The following MTHFD1L variants were observed in gnomAD, a reference collection of about 807,000 sequenced individuals.
The protein encoded by MTHFD1L is methylenetetrahydrofolate dehydrogenase (NADP+ dependent) 1 like.
A neutral mutation model predicts 119.5 loss-of-function variants in MTHFD1L; 81 were observed. That is an observed-to-expected ratio of 0.68 (90% CI 0.57 to 0.82). The LOEUF (loss-of-function observed/expected upper bound fraction) is 0.82. MTHFD1L is among the 40% of genes least tolerant of loss of function. MTHFD1L has a pLI of 0.00. For missense variants in MTHFD1L, 1,125 were observed against 1,253.4 expected (o/e 0.90, Z 1.55); for synonymous variants, 430 against 475.2 (o/e 0.90, Z 1.24).
chr6:151,016,802 T>C (rs1370670073), intron 24 of MTHFD1L: 1 of 200,224 alleles, frequency 5.0e-6, no homozygotes, highest in South Asian at 5.5e-5. Flanking sequence ...AGACAGAGCC[T>C]TGCTCTGTTG....
intron 20 of MTHFD1L, among the ~76,000 whole-genome samples, chr6:150,982,554 A>G (rs1458814082): frequency 6.6e-6 from 1 of 152,216 alleles, no homozygotes; most frequent in Non-Finnish European, 1.5e-5. Flanking sequence ...GGGACTATAT[A>G]CAGGAGTGAG....
At chr6:151,015,206 C>CTTT (rs58646889) in intron 23 of MTHFD1L, among the ~76,000 whole-genome samples, 2,475 of 76,780 alleles carry the variant, frequency 0.032, 136 homozygotes, top group African/African-American at 0.11. Flanking sequence ...ATCTCCTTGG[C>CTTT]TTTTTTTTTT....
intron 1 of MTHFD1L, among the ~76,000 whole-genome samples, chr6:150,874,895 G>A (rs529921303): frequency 6.0e-4 from 91 of 151,432 alleles, no homozygotes; most frequent in Non-Finnish European, 9.4e-4. Flanking sequence ...GATTATAGGC[G>A]CCTGCCACCA....
chr6:150,958,308 A>G (rs1479290644), intron 17 of MTHFD1L, among the ~76,000 whole-genome samples: 1 of 152,172 alleles, frequency 6.6e-6, no homozygotes, highest in East Asian at 1.9e-4. Context: ...TAGAGGTACC[A>G]TAGTAGATTC....
chr6:150,948,398 C>G (rs1273508906), intron 15 of MTHFD1L, among the ~76,000 whole-genome samples: 1 of 152,018 alleles, frequency 6.6e-6, no homozygotes, highest in African/African-American at 2.4e-5. Flanking sequence ...CAGCTCATTG[C>G]AACCTCTGCC....
At chr6:151,011,527 T>A (rs1782219209) in intron 21 of MTHFD1L, among the ~76,000 whole-genome samples, 1 of 152,228 alleles carries the variant, frequency 6.6e-6, no homozygotes, top group African/African-American at 2.4e-5. Flanking sequence ...AGTCCTGGTC[T>A]CTTGACATCA....
At chr6:150,866,485 C>T in intron 1 of MTHFD1L, 1 of 1,314,918 alleles carries the variant, frequency 7.6e-7, no homozygotes, top group East Asian at 3.2e-5. Flanking sequence ...GCCCGGGGTT[C>T]GGGAAGGGCA....
At chr6:150,909,291 A>G (rs11969030) in intron 8 of MTHFD1L, among the ~76,000 whole-genome samples, 1 of 151,952 alleles carries the variant, frequency 6.6e-6, no homozygotes, top group Non-Finnish European at 1.5e-5. Context: ...AGACAACCAA[A>G]AAAACCTATT....
chr6:151,009,963 G>A lies in MTHFD1L; in HGVS notation c.2265+5G>A, dbSNP rs764965152. 2.3e-5 allele frequency: 36 copies of A among 1,594,990 alleles called. No homozygotes were observed. The highest frequency in any genetic ancestry group is 2.2e-5 in the Non-Finnish European group (26 of 1,173,334). On this transcript the variant is annotated splice_donor_5th_base_variant and intron_variant, in intron 21 of 27. Coordinates refer to ENST00000367321, the MANE Select transcript of MTHFD1L (RefSeq NM_015440.5). ...ATGCATGGAGGCGGGCCAAGTGTAA[G>A]TGCCCACACCGCCTTCCTAATACCA...
chr6:150,869,860 G>A lies in MTHFD1L; in HGVS notation c.227+3811G>A, dbSNP rs113752049. ...AGCATAGTGACCTGTTGTTCCTGGTGATGGGACTAGATGACCATAATCCCT... is the reference window on the plus strand; with the variant it reads ...AGCATAGTGACCTGTTGTTCCTGGTAATGGGACTAGATGACCATAATCCCT... On this transcript the variant is annotated intron_variant, in intron 1 of 27. Transcript: ENST00000367321. 9.2e-4 allele frequency among the ~76,000 whole-genome samples: 140 copies of A among 152,234 alleles called. 1 individual carries two copies. The highest frequency in any genetic ancestry group is 3.2e-3 in the African/African-American group (135 of 41,542).
At chr6:151,037,365 T>C (rs116663902) in intron 26 of MTHFD1L, among the ~76,000 whole-genome samples, 5,073 of 152,200 alleles carry the variant, frequency 0.033, 129 homozygotes, top group Admixed American at 0.094. Flanking sequence ...CTTCCTAAGG[T>C]GAGTAAGAAC....
At chr6:150,942,690 G>A (rs962758923) in intron 13 of MTHFD1L, among the ~76,000 whole-genome samples, 4 of 151,720 alleles carry the variant, frequency 2.6e-5, no homozygotes, top group African/African-American at 7.3e-5. Flanking sequence ...AAACTGTTAC[G>A]ATGTTATGAT....
chr6:150,962,821 C>G (rs1282719798), intron 18 of MTHFD1L, among the ~76,000 whole-genome samples: 2 of 152,076 alleles, frequency 1.3e-5, no homozygotes, highest in African/African-American at 4.8e-5. Context: ...AGTAGGAAAA[C>G]TACTCCTCTT....
intron 26 of MTHFD1L, among the ~76,000 whole-genome samples, chr6:151,082,203 G>C (rs1047660564): frequency 3.3e-5 from 5 of 152,198 alleles, no homozygotes; most frequent in Non-Finnish European, 7.3e-5. Flanking sequence ...AAAACTCTAG[G>C]TGGGAATATG....
chr6:151,098,985 G>T (rs1656223262), intron 27 of MTHFD1L, among the ~76,000 whole-genome samples: 1 of 152,030 alleles, frequency 6.6e-6, no homozygotes, highest in African/African-American at 2.4e-5. Flanking sequence ...AGACCAGCCT[G>T]GCCAACATGG....
intron 19 of MTHFD1L, among the ~76,000 whole-genome samples, chr6:150,966,834 G>A (rs189680777): frequency 0.014 from 2,128 of 152,232 alleles, 21 homozygotes; most frequent in South Asian, 0.036. Context: ...TTTAAAAAAA[G>A]GGAATAGAAA....
chr6:150,933,376 G>A (rs1791490698), intron 11 of MTHFD1L, among the ~76,000 whole-genome samples: 1 of 152,090 alleles, frequency 6.6e-6, no homozygotes, highest in South Asian at 2.1e-4. Context: ...GCTCTTCTAA[G>A]ATTGTAATGC....
At chr6:151,094,700 TG>T (rs1206260898) in intron 27 of MTHFD1L, among the ~76,000 whole-genome samples, 6 of 152,186 alleles carry the variant, frequency 3.9e-5, no homozygotes, top group African/African-American at 1.4e-4. Flanking sequence ...TCCACCACCA[TG>T]CCCAGCTAGT....
At chr6:151,018,211 C>T (rs1198768706) in intron 24 of MTHFD1L, among the ~76,000 whole-genome samples, 1 of 152,098 alleles carries the variant, frequency 6.6e-6, no homozygotes, top group African/African-American at 2.4e-5. Context: ...TTCCTTCATC[C>T]CTCACATATT....
Sources: allele counts gnomAD v4.1 joint callset (sites outside exome capture counted in the v4.1 genomes callset), GRCh38; gene constraint gnomAD v4.1.1; transcripts MANE v1.5; gene names NCBI Gene and HGNC (gene_info 2026-07-23, HGNC 2026-07-21).